Variants in PDE11A observed in about 807,000 individuals in gnomAD.
The protein encoded by PDE11A is phosphodiesterase 11A, also known as dual 3',5'-cyclic-AMP and -GMP phosphodiesterase 11A.
Under a neutral mutation model 100.5 loss-of-function variants are expected in PDE11A, and 100 were observed. That is an observed-to-expected ratio of 1.00 (90% CI 0.85 to 1.18). The LOEUF (loss-of-function observed/expected upper bound fraction) is 1.18, where lower values mean the gene tolerates loss of function less well. Ranked by LOEUF, PDE11A falls within the 50% of genes most tolerant of loss-of-function variation. The pLI is 0.00. For synonymous variants in PDE11A, 381 were observed against 420.8 expected (o/e 0.91, Z 1.16); for missense variants, 1,141 against 1,152.6 (o/e 0.99, Z 0.15).
At position 177,956,246 on chromosome 2, in the gene PDE11A, G is replaced by A. The variant is rs562903810; in HGVS notation, c.1072-51059C>T. Among the ~76,000 whole-genome samples, 586 of 152,170 alleles carry A rather than the reference G, an allele frequency of 3.9e-3. 6 individuals are homozygous for A. The highest frequency in any genetic ancestry group is 0.01 in the Middle Eastern group (3 of 294). On this transcript the variant is annotated intron_variant, in intron 2 of 19. Transcript: ENST00000286063. ...CAAACAACCCCATCAAAAAGTGGGC[G>A]AAGGATATGAACAGACACTTCTCAA...
intron 5 of PDE11A, among the ~76,000 whole-genome samples, chr2:177,873,458 G>A (rs919062783): frequency 5.9e-5 from 9 of 152,078 alleles, no homozygotes; most frequent in African/African-American, 2.2e-4. Flanking sequence ...ATATAGATGT[G>A]AATATAAATA....
intron 19 of PDE11A, among the ~76,000 whole-genome samples, chr2:177,637,210 C>A (rs1255418628): frequency 6.6e-6 from 1 of 152,196 alleles, no homozygotes; most frequent in South Asian, 2.1e-4. Context: ...AATTGAGGTT[C>A]ACTTAGGTTA....
intron 2 of PDE11A, among the ~76,000 whole-genome samples, chr2:178,090,329 T>A (rs2087407684): frequency 6.6e-6 from 1 of 152,238 alleles, no homozygotes; most frequent in South Asian, 2.1e-4. Context: ...TTCTTCCAAC[T>A]TTTATTTCTT....
At chr2:177,798,761 CAGAG>C (rs144070266) in intron 9 of PDE11A, among the ~76,000 whole-genome samples, 3,242 of 152,166 alleles carry the variant, frequency 0.021, 128 homozygotes, top group African/African-American at 0.074. Context: ...AACACATAAA[CAGAG>C]AGAAGAGACA....
intron 1 of PDE11A, among the ~76,000 whole-genome samples, chr2:178,019,151 C>T (rs192715399): frequency 2.0e-5 from 3 of 152,252 alleles, no homozygotes; most frequent in African/African-American, 7.2e-5. Context: ...GAAAATTTCC[C>T]CCTCTGTTCA....
intron 16 of PDE11A, among the ~76,000 whole-genome samples, chr2:177,677,497 C>A (rs1430098257): frequency 1.3e-5 from 2 of 152,144 alleles, no homozygotes; most frequent in African/African-American, 2.4e-5. Flanking sequence ...TGGCTGCAAC[C>A]TTTGTCCATC....
At chr2:177,737,601 A>AAT (rs397770634) in intron 10 of PDE11A, among the ~76,000 whole-genome samples, 1 of 150,884 alleles carries the variant, frequency 6.6e-6, no homozygotes, top group Non-Finnish European at 1.5e-5. Context: ...AAAAAAAAAA[A>AAT]GCCAAGAGAG....
At chr2:177,901,952 A>C (rs1207484981) in intron 3 of PDE11A, among the ~76,000 whole-genome samples, 1 of 152,166 alleles carries the variant, frequency 6.6e-6, no homozygotes, top group Non-Finnish European at 1.5e-5. Flanking sequence ...CAGTAATTTT[A>C]TTGTTTCTAA....
intron 19 of PDE11A, among the ~76,000 whole-genome samples, chr2:177,657,763 A>G (rs1232978365): frequency 6.6e-6 from 1 of 152,180 alleles, no homozygotes; most frequent in Non-Finnish European, 1.5e-5. Context: ...GAGGGCTTTT[A>G]TTTCAAATTT....
chr2:178,080,116 T>G (rs754399944), intron 2 of PDE11A, among the ~76,000 whole-genome samples: 17 of 152,232 alleles, frequency 1.1e-4, no homozygotes, highest in Non-Finnish European at 2.4e-4. Flanking sequence ...TGGTGATAGT[T>G]TCTTTTGTTG....
intron 1 of PDE11A, among the ~76,000 whole-genome samples, chr2:178,055,427 A>G (rs553816995): frequency 3.9e-5 from 6 of 152,298 alleles, no homozygotes; most frequent in Admixed American, 1.3e-4. Context: ...CAGCACACCA[A>G]CGTGGCACAT....
intron 15 of PDE11A, chr2:177,687,899 T>C (rs1437815453): frequency 6.6e-6 from 1 of 152,232 alleles, no homozygotes; most frequent in Non-Finnish European, 1.5e-5. Flanking sequence ...TACAGAAAGA[T>C]TTATTGTTGC....
At chr2:178,014,247 T>G in intron 2 of PDE11A, 55 bp downstream of exon 2, 1 of 1,315,476 alleles carries the variant, frequency 7.6e-7, no homozygotes. Context: ...TAAAGGAGAA[T>G]AGCAATCAAT....
Position 177,727,654 on chromosome 2 carries a change from T to G in PDE11A, c.2043+4A>C, listed in dbSNP as rs1373463457. On this transcript the variant is annotated splice_donor_region_variant and intron_variant, in intron 12 of 19. Transcript: ENST00000286063. ...GATCTTCCACCATCACTAAGCACAC[T>G]TACGGTTAACATCGCGAACATCAGC... is the stretch of plus-strand genomic sequence containing the variant. The G allele has an allele frequency of 1.3e-6, 2 of 1,530,720 alleles. No homozygotes were observed. Among genetic ancestry groups the G allele is most frequent in the Non-Finnish European group, 1.8e-6 (2 of 1,104,068 alleles). The allele number at this position is 1,530,720 out of a possible 1,614,324, so 94.8% of individuals were successfully genotyped here. A position where few individuals can be genotyped will look rare whatever the true frequency, so the allele number is the denominator to read the frequency against.
chr2:177,807,480 GGCAT>G (rs1459296447), intron 9 of PDE11A, among the ~76,000 whole-genome samples: 1 of 152,020 alleles, frequency 6.6e-6, no homozygotes, highest in East Asian at 1.9e-4. Flanking sequence ...GGAGTACAGT[GGCAT>G]GATCCAGCTC....
chr2:178,016,231 C>T (rs1205840807), intron 1 of PDE11A, among the ~76,000 whole-genome samples: 2 of 149,998 alleles, frequency 1.3e-5, no homozygotes, highest in Non-Finnish European at 2.9e-5. Flanking sequence ...GATCCACTCG[C>T]CTTGGCCTCC....
At chr2:177,724,674 G>C (rs577124132) in intron 12 of PDE11A, among the ~76,000 whole-genome samples, 1 of 152,244 alleles carries the variant, frequency 6.6e-6, no homozygotes, top group South Asian at 2.1e-4. Context: ...ATCCTGATGG[G>C]AGATGCTCTT....
intron 5 of PDE11A, among the ~76,000 whole-genome samples, chr2:177,855,565 AGAGG>A (rs1449851549): frequency 1.3e-5 from 2 of 152,046 alleles, no homozygotes; most frequent in Non-Finnish European, 2.9e-5. Context: ...AGCCACTTGC[AGAGG>A]AAGAATGAGT....
At chr2:177,996,991 A>T (rs1244575661) in intron 2 of PDE11A, among the ~76,000 whole-genome samples, 1 of 152,250 alleles carries the variant, frequency 6.6e-6, no homozygotes, top group Non-Finnish European at 1.5e-5. Context: ...CAGACGAAGC[A>T]TCCAAACATA....
Sources: gnomAD v4.1 joint callset for allele counts (sites outside exome capture counted in the v4.1 genomes callset) on GRCh38, gnomAD v4.1.1 for gene constraint, MANE v1.5 for transcripts, NCBI Gene and HGNC (gene_info 2026-07-23, HGNC 2026-07-21) for gene names.